B3GAT2: variants seen among roughly 807,000 people sequenced by gnomAD.
B3GAT2 encodes the protein beta-1,3-glucuronyltransferase 2, also known as galactosylgalactosylxylosylprotein 3-beta-glucuronosyltransferase 2.
A neutral mutation model predicts 27.8 loss-of-function variants in B3GAT2; 26 were observed. The observed-to-expected ratio is 0.93, with a 90% CI of 0.68 to 1.30. The LOEUF (loss-of-function observed/expected upper bound fraction) is 1.30. Ranked by LOEUF, B3GAT2 falls within the 50% of genes most tolerant of loss-of-function variation. The pLI, the probability that B3GAT2 is intolerant of heterozygous loss-of-function variation, is 0.00. For synonymous variants in B3GAT2, 218 were observed against 195.1 expected (o/e 1.12, Z -0.98); for missense variants, 458 against 459.0 (o/e 1.00, Z 0.02).
Position 70,861,720 on chromosome 6 carries a change from C to T in B3GAT2, c.915G>A (p.Lys305=), listed in dbSNP as rs911385329. The change falls in exon 4 of 4, where the codon AAG becomes AAA. Residue 305 remains lysine, a synonymous_variant. Coordinates refer to ENST00000230053, the MANE Select transcript of B3GAT2 (RefSeq NM_080742.3). ...ACTTTGGCTCGTTGGCTAGATTAAC[C>T]TTCTCTGTCCGAGTGTGCCACACGA... The part of the protein sequence containing the change: ...KVLVWHTRTE[K]VNLANEPKYH... 3 of 1,614,126 alleles carry T rather than the reference C, an allele frequency of 1.9e-6. No homozygotes were observed. The highest frequency in any genetic ancestry group is 2.5e-6 in the Non-Finnish European group (3 of 1,179,990).
At chr6:70,922,425 A>G (rs1355524427) in intron 1 of B3GAT2, among the ~76,000 whole-genome samples, 1 of 152,186 alleles carries the variant, frequency 6.6e-6, no homozygotes, top group African/African-American at 2.4e-5. Context: ...AACATGCACC[A>G]GTATCAACCA....
chr6:70,938,650 G>A (rs1160609410), intron 1 of B3GAT2, among the ~76,000 whole-genome samples: 5 of 151,976 alleles, frequency 3.3e-5, no homozygotes, highest in Admixed American at 1.3e-4. Context: ...ACAAGCAATG[G>A]GGAAAGGATT....
At chr6:70,955,811 C>T (rs956253849) in intron 1 of B3GAT2, 28 bp downstream of exon 1, 10 of 1,551,644 alleles carry the variant, frequency 6.4e-6, no homozygotes, top group Non-Finnish European at 7.0e-6. Flanking sequence ...CCGCCCTCGC[C>T]CACCCAGCGG....
intron 1 of B3GAT2, among the ~76,000 whole-genome samples, chr6:70,952,097 GA>G (rs1275088930): frequency 2.6e-5 from 4 of 151,624 alleles, no homozygotes; most frequent in Admixed American, 1.3e-4. Flanking sequence ...AAATACTTCT[GA>G]AAAAAAAGCA....
intron 1 of B3GAT2, among the ~76,000 whole-genome samples, chr6:70,895,598 C>T (rs535113149): frequency 4.8e-5 from 7 of 146,732 alleles, no homozygotes; most frequent in Non-Finnish European, 7.4e-5. Context: ...CTCTGCCTCC[C>T]GGGTTCAAGT....
rs75905553 is a variant in B3GAT2, at chr6:70,859,203, C to T, written c.*2460G>A. On this transcript the variant is annotated 3_prime_UTR_variant, in exon 4 of 4. Coordinates refer to ENST00000230053, the MANE Select transcript of B3GAT2 (RefSeq NM_080742.3). ...TATAGGTAAAACATTGGTCTCTACCCGCTGGGAATCTAAAAAATTGTATGT... is the reference window on the plus strand; with the variant it reads ...TATAGGTAAAACATTGGTCTCTACCTGCTGGGAATCTAAAAAATTGTATGT... 3.2e-5 allele frequency: 19 copies of T among 602,724 alleles called. No homozygotes were observed. The highest frequency in any genetic ancestry group is 2.6e-4 in the Middle Eastern group (1 of 3,838). 37.3% of individuals were successfully genotyped at this position (602,724 alleles called of 1,614,324 possible).
rs149521838 is a variant in B3GAT2 at position 70,874,609 on chromosome 6, A to G, written c.737-12631T>C. Among the ~76,000 whole-genome samples the G allele has an allele frequency of 9.4e-3, 1,426 of 152,278 alleles. 27 individuals carry two copies. The highest frequency in any genetic ancestry group is 0.032 in the African/African-American group (1,327 of 41,542). On this transcript the variant is annotated intron_variant, in intron 2 of 3. Coordinates refer to ENST00000230053, the MANE Select transcript of B3GAT2 (RefSeq NM_080742.3). The stretch of plus-strand genomic sequence containing the variant: ...ATGTCAGAGCTTTTCAAATGCCCCT[A>G]CGGAATGAAGTTTTTTGCTTAGCTT...
At chr6:70,943,390 T>C (rs1296758539) in intron 1 of B3GAT2, among the ~76,000 whole-genome samples, 1 of 152,202 alleles carries the variant, frequency 6.6e-6, no homozygotes, top group African/African-American at 2.4e-5. Flanking sequence ...GAAGGAGCCA[T>C]CTCAGCCACA....
At chr6:70,887,943 G>A (rs752084684) in intron 2 of B3GAT2, among the ~76,000 whole-genome samples, 2 of 152,160 alleles carry the variant, frequency 1.3e-5, no homozygotes, top group Non-Finnish European at 2.9e-5. Context: ...GGGGTGGGCC[G>A]GGCAGGGCCT....
chr6:70,865,963 A>C (rs1771844467), intron 2 of B3GAT2, among the ~76,000 whole-genome samples: 1 of 152,194 alleles, frequency 6.6e-6, no homozygotes, highest in South Asian at 2.1e-4. Flanking sequence ...GTCCCCTTGA[A>C]TTGAGGAAAC....
chr6:70,896,946 A>G (rs932680561), intron 1 of B3GAT2, among the ~76,000 whole-genome samples: 1 of 152,214 alleles, frequency 6.6e-6, no homozygotes, highest in Non-Finnish European at 1.5e-5. Context: ...TGGCTGGATC[A>G]TGCACTAGGT....
At chr6:70,924,146 C>G (rs976848862) in intron 1 of B3GAT2, among the ~76,000 whole-genome samples, 4 of 151,960 alleles carry the variant, frequency 2.6e-5, no homozygotes, top group African/African-American at 9.7e-5. Context: ...TAAAACACTT[C>G]CCCCAAAATT....
At chr6:70,902,517 T>C (rs997654041) in intron 1 of B3GAT2, among the ~76,000 whole-genome samples, 13 of 151,648 alleles carry the variant, frequency 8.6e-5, no homozygotes, top group African/African-American at 3.2e-4. Context: ...AATCAGTATG[T>C]CAAAGAGAAT....
chr6:70,861,516 T>C lies in B3GAT2; in HGVS notation c.*147A>G. ...AGCTTATGTTAACTGACAAGCTCCA[T>C]TTAAACAGATGTCCATCAGATGACA... On this transcript the variant is annotated 3_prime_UTR_variant, in exon 4 of 4. Coordinates refer to ENST00000230053, the MANE Select transcript of B3GAT2 (RefSeq NM_080742.3). The C allele has an allele frequency of 5.9e-6, 4 of 673,738 alleles. No homozygotes were observed. The East Asian group carries it at 8.1e-5, about 14-fold the overall frequency. 41.7% of individuals were successfully genotyped at this position (673,738 alleles called of 1,614,324 possible).
At chr6:70,898,444 A>G (rs573020266) in intron 1 of B3GAT2, among the ~76,000 whole-genome samples, 1 of 152,318 alleles carries the variant, frequency 6.6e-6, no homozygotes, top group African/African-American at 2.4e-5. Context: ...TGACATACTC[A>G]GAAAGTAAAA....
chr6:70,904,435 C>T (rs1295872031), intron 1 of B3GAT2, among the ~76,000 whole-genome samples: 1 of 152,130 alleles, frequency 6.6e-6, no homozygotes, highest in Non-Finnish European at 1.5e-5. Flanking sequence ...ATTAACACCC[C>T]AGTAGCAGTA....
intron 2 of B3GAT2, among the ~76,000 whole-genome samples, chr6:70,878,701 A>G (rs1772053555): frequency 7.0e-6 from 1 of 143,488 alleles, no homozygotes; most frequent in Non-Finnish European, 1.5e-5. Context: ...TTTTGAATTC[A>G]TTTTGGTTTC....
At chr6:70,943,913 T>C (rs1765433468) in intron 1 of B3GAT2, among the ~76,000 whole-genome samples, 2 of 152,188 alleles carry the variant, frequency 1.3e-5, no homozygotes, top group African/African-American at 2.4e-5. Context: ...TTATTAACAA[T>C]GTATTGTACA....
intron 1 of B3GAT2, among the ~76,000 whole-genome samples, chr6:70,897,055 C>T (rs1772398920): frequency 2.0e-5 from 3 of 152,226 alleles, no homozygotes; most frequent in South Asian, 2.1e-4. Flanking sequence ...AGTTCCTCCA[C>T]ATCCTCACCA....
Sources: gnomAD v4.1 joint callset for allele counts (sites outside exome capture counted in the v4.1 genomes callset) on GRCh38, gnomAD v4.1.1 for gene constraint, MANE v1.5 for transcripts, NCBI Gene and HGNC (gene_info 2026-07-23, HGNC 2026-07-21) for gene names.